Variants in XKR4 observed in about 807,000 individuals in gnomAD.
The protein encoded by XKR4 is XK-related protein 4.
Under a neutral mutation model 53.9 loss-of-function variants are expected in XKR4, and 12 were observed. The observed-to-expected ratio is 0.22, with a 90% CI of 0.14 to 0.36. The LOEUF is 0.36. XKR4 is among the 10% of genes least tolerant of loss of function. XKR4 has a pLI of 1.00. For synonymous variants in XKR4, 354 were observed against 362.4 expected, an observed-to-expected ratio of 0.98 and a Z score of 0.26; for missense variants, 799 against 859.5, an observed-to-expected ratio of 0.93 and a Z score of 0.88.
rs984788343 is a variant in XKR4, at chr8:55,268,315, G to A, written c.807-89363G>A. 6.6e-5 allele frequency among the ~76,000 whole-genome samples: 10 copies of A among 152,066 alleles called. 1 individual carries two copies. Among genetic ancestry groups the A allele is most frequent in the African/African-American group, 2.4e-4 (10 of 41,410 alleles). ...GATCTAGCAGATGAGAACTTTACAA[G>A]GCAATAATTTTAAACAGAATTTATT... is the stretch of plus-strand genomic sequence containing the variant. On this transcript the variant is annotated intron_variant, in intron 1 of 2. Coordinates refer to ENST00000327381, the MANE Select transcript of XKR4 (RefSeq NM_052898.2).
At chr8:55,478,114 A>G (rs2129400854) in intron 2 of XKR4, among the ~76,000 whole-genome samples, 1 of 152,058 alleles carries the variant, frequency 6.6e-6, no homozygotes, top group East Asian at 1.9e-4. Flanking sequence ...CAGATTCACC[A>G]AAGTTGAAGG....
At position 55,461,606 on chromosome 8, in the gene XKR4, C is replaced by T. The variant is rs138786463; in HGVS notation, c.1007-61675C>T. Among the ~76,000 whole-genome samples the T allele has an allele frequency of 4.7e-3, 723 of 152,236 alleles. 6 individuals carry two copies. The highest frequency in any genetic ancestry group is 0.031 in the East Asian group (161 of 5,186). On this transcript the variant is annotated intron_variant, in intron 2 of 2. Coordinates refer to ENST00000327381, the MANE Select transcript of XKR4 (RefSeq NM_052898.2). ...AAGGAACACAGCTCCTCACCAGCAA[C>T]GGAACAAAGCTGGACAGAGAATGAT... is the stretch of plus-strand genomic sequence containing the variant.
intron 1 of XKR4, among the ~76,000 whole-genome samples, chr8:55,291,236 T>C (rs1321956883): frequency 6.6e-6 from 1 of 152,206 alleles, no homozygotes; most frequent in Non-Finnish European, 1.5e-5. Context: ...TGTCTACTCT[T>C]GGCCGATACC....
intron 1 of XKR4, among the ~76,000 whole-genome samples, chr8:55,210,806 CT>C (rs1817720666): frequency 2.0e-5 from 3 of 152,158 alleles, no homozygotes; most frequent in Non-Finnish European, 4.4e-5. Context: ...GATACAGAGG[CT>C]TTTATAAGAA....
At chr8:55,282,880 A>G (rs1818860887) in intron 1 of XKR4, among the ~76,000 whole-genome samples, 1 of 152,240 alleles carries the variant, frequency 6.6e-6, no homozygotes, top group Admixed American at 6.5e-5. Flanking sequence ...CATTCATTGT[A>G]AAATTACTAT....
intron 2 of XKR4, among the ~76,000 whole-genome samples, chr8:55,404,482 G>A (rs1322084505): frequency 3.9e-5 from 6 of 152,170 alleles, no homozygotes; most frequent in Non-Finnish European, 8.8e-5. Context: ...GTTTTAGGGG[G>A]CAATGGTAGC....
At chr8:55,385,082 G>A (rs1414672805) in intron 2 of XKR4, among the ~76,000 whole-genome samples, 1 of 152,064 alleles carries the variant, frequency 6.6e-6, no homozygotes. Context: ...AGGTAAAGAA[G>A]GATGCTCTAC....
intron 1 of XKR4, among the ~76,000 whole-genome samples, chr8:55,236,454 G>A (rs980195567): frequency 4.6e-5 from 7 of 152,148 alleles, no homozygotes; most frequent in Non-Finnish European, 7.3e-5. Flanking sequence ...TCCAAATGCA[G>A]GTGTGAAGGG....
intron 1 of XKR4, among the ~76,000 whole-genome samples, chr8:55,253,560 T>C (rs2129370029): frequency 6.6e-6 from 1 of 152,320 alleles, no homozygotes; most frequent in Middle Eastern, 3.4e-3. Flanking sequence ...ATAGATTGTG[T>C]CTTGTTCCAA....
At chr8:55,464,932 A>T (rs1425430924) in intron 2 of XKR4, among the ~76,000 whole-genome samples, 1 of 152,114 alleles carries the variant, frequency 6.6e-6, no homozygotes, top group East Asian at 1.9e-4. Context: ...CTTACAAGGG[A>T]TGTGAAGGAC....
intron 2 of XKR4, among the ~76,000 whole-genome samples, chr8:55,465,246 G>T (rs1805743537): frequency 6.6e-6 from 1 of 152,078 alleles, no homozygotes; most frequent in African/African-American, 2.4e-5. Flanking sequence ...ATACTACAAG[G>T]CTACAGTAAC....
chr8:55,318,114 C>T (rs188398141), intron 1 of XKR4, among the ~76,000 whole-genome samples: 50 of 152,232 alleles, frequency 3.3e-4, no homozygotes, highest in African/African-American at 1.2e-3. Flanking sequence ...GAATCAATGT[C>T]TTCTGACACT....
chr8:55,256,928 G>A (rs1009235091), intron 1 of XKR4, among the ~76,000 whole-genome samples: 2 of 152,144 alleles, frequency 1.3e-5, no homozygotes, highest in Non-Finnish European at 2.9e-5. Flanking sequence ...TCAAAATCAA[G>A]GGTCCAGCAG....
At chr8:55,155,256 A>G (rs1326636119) in intron 1 of XKR4, among the ~76,000 whole-genome samples, 1 of 152,150 alleles carries the variant, frequency 6.6e-6, no homozygotes, top group East Asian at 1.9e-4. Context: ...TGTACCCCTC[A>G]TCCTTTTCAG....
At chr8:55,318,804 G>C (rs1563323294) in intron 1 of XKR4, among the ~76,000 whole-genome samples, 1 of 152,166 alleles carries the variant, frequency 6.6e-6, no homozygotes, top group Non-Finnish European at 1.5e-5. Context: ...TTTCATATAA[G>C]ACAGTGCTTC....
At chr8:55,177,875 A>C (rs2129359329) in intron 1 of XKR4, among the ~76,000 whole-genome samples, 1 of 152,236 alleles carries the variant, frequency 6.6e-6, no homozygotes, top group African/African-American at 2.4e-5. Context: ...GCTCAACTCC[A>C]GTCCCCTTTC....
intron 1 of XKR4, among the ~76,000 whole-genome samples, chr8:55,330,240 C>G (rs565258782): frequency 6.6e-6 from 1 of 152,146 alleles, no homozygotes; most frequent in Non-Finnish European, 1.5e-5. Context: ...GCATGATAAT[C>G]AAACCTACTT....
Position 55,396,072 on chromosome 8 carries a change from G to A in XKR4, c.1006+38195G>A, listed in dbSNP as rs74576936. On this transcript the variant is annotated intron_variant, in intron 2 of 2. Coordinates refer to ENST00000327381, the MANE Select transcript of XKR4 (RefSeq NM_052898.2). ...CCCATTCATGGGGGTCCTTCCTCACGTCCTGACCACCTCCTAATACCATGG... is the reference window on the plus strand; with the variant it reads ...CCCATTCATGGGGGTCCTTCCTCACATCCTGACCACCTCCTAATACCATGG... Among the ~76,000 whole-genome samples, 687 of 152,262 alleles carry A rather than the reference G, an allele frequency of 4.5e-3. 4 individuals are homozygous for A. The highest frequency in any genetic ancestry group is 0.015 in the African/African-American group (644 of 41,550).
chr8:55,433,527 C>G (rs577585397), intron 2 of XKR4, among the ~76,000 whole-genome samples: 9 of 152,094 alleles, frequency 5.9e-5, no homozygotes, highest in Admixed American at 1.3e-4. Flanking sequence ...GTCATTTGTA[C>G]ATAAAGAGAA....
Sources: allele counts gnomAD v4.1 joint callset (sites outside exome capture counted in the v4.1 genomes callset), GRCh38; gene constraint gnomAD v4.1.1; transcripts MANE v1.5; gene names NCBI Gene and HGNC (gene_info 2026-07-23, HGNC 2026-07-21).